Variants in DEFB110 observed in about 807,000 individuals in gnomAD.
The protein encoded by DEFB110 is defensin beta 110.
In DEFB110, 4 loss-of-function variants were observed where a neutral mutation model predicts 2.5. The ratio of observed to expected loss-of-function variants is 1.60; its 90% CI spans 0.79 to 3.66. DEFB110 has a LOEUF of 3.66. Among genes scored for constraint, DEFB110 ranks in the 30% most tolerant of loss-of-function variants. The pLI is 0.01. For synonymous variants in DEFB110, 29 were observed against 21.8 expected (o/e 1.33, Z -0.92); for missense variants, 94 against 75.4 (o/e 1.25, Z -0.91).
intron 1 of DEFB110, among the ~76,000 whole-genome samples, chr6:50,012,118 T>TTTATTTGC (rs1774237891): frequency 6.6e-6 from 1 of 152,066 alleles, no homozygotes. Flanking sequence ...ATTTCCTTTG[T>TTTATTTGC]CTTTATTTGC....
chr6:50,018,497 A>C (rs1323444515), downstream of DEFB110, among the ~76,000 whole-genome samples: 2 of 151,900 alleles, frequency 1.3e-5, no homozygotes, highest in Non-Finnish European at 2.9e-5. Flanking sequence ...TGTCTCTCTC[A>C]CAATAAAGAT....
At chr6:50,016,876 G>A (rs750538546), downstream of DEFB110, among the ~76,000 whole-genome samples, 25 of 151,770 alleles carry the variant, frequency 1.6e-4, no homozygotes, top group South Asian at 1.5e-3. Context: ...GATGGTTTTC[G>A]TGCTCTCTGT....
chr6:50,018,426 G>A (rs975237476), downstream of DEFB110, among the ~76,000 whole-genome samples: 1 of 151,824 alleles, frequency 6.6e-6, no homozygotes, highest in African/African-American at 2.4e-5. Flanking sequence ...AGAAATTGGA[G>A]CTGGTTGTGA....
intron 1 of DEFB110, among the ~76,000 whole-genome samples, chr6:50,021,405 G>T (rs755813500): frequency 6.6e-6 from 1 of 152,044 alleles, no homozygotes; most frequent in Non-Finnish European, 1.5e-5. Context: ...GTGATACTTC[G>T]ATATTTCAAT....
intron 1 of DEFB110, chr6:50,009,396 G>A (rs1018264940): frequency 1.8e-5 from 17 of 968,624 alleles, no homozygotes; most frequent in Middle Eastern, 3.3e-4. Context: ...ACAATGGAAC[G>A]TCAAGTTGTT....
chr6:50,009,144 G>T lies in DEFB110; in HGVS notation c.183C>A (p.Cys61Ter). 1.2e-6 allele frequency: 2 copies of T among 1,608,472 alleles called. No homozygotes were observed. The highest frequency in any genetic ancestry group is 8.5e-7 in the Non-Finnish European group (1 of 1,178,664). The change falls in exon 2 of 2, where the codon TGC becomes TGA. Residue 61 changes from cysteine to a stop codon, truncating the protein, a stop_gained. Transcript: ENST00000393660. LOFTEE classifies it high-confidence loss of function. ...AGTACTTCTTTTCCAGAGTTTATACGCAGCACTGACTTCTCCATTTAATGC... is the reference window on the plus strand; with the variant it reads ...AGTACTTCTTTTCCAGAGTTTATACTCAGCACTGACTTCTCCATTTAATGC...
intron 1 of DEFB110, chr6:50,009,358 T>A: frequency 2.2e-6 from 3 of 1,387,572 alleles, no homozygotes; most frequent in Non-Finnish European, 2.9e-6. Flanking sequence ...CTGTTCCAGT[T>A]ATGAGATCAT....
At chr6:50,020,474 C>T (rs553435139) in intron 1 of DEFB110, among the ~76,000 whole-genome samples, 1 of 151,824 alleles carries the variant, frequency 6.6e-6, no homozygotes, top group Middle Eastern at 3.4e-3. Context: ...AATTCTTGAC[C>T]AAAGGACAGA....
rs942924158 is a variant in DEFB110 at position 50,021,923 on chromosome 6, G to T, written c.13C>A (p.Leu5Ile). 14 of 1,561,088 alleles carry T rather than the reference G, an allele frequency of 9.0e-6. No homozygotes were observed. The Admixed American group carries it at 2.3e-4, about 26-fold the overall frequency. The change falls in exon 1 of 2, where the codon CTT (leucine) becomes ATT (isoleucine). Residue 5 changes from leucine (L) to isoleucine (I), a missense_variant. Transcript: ENST00000371148. MKIQ[L>I]FFFILHFWVT... ...CAAAAGTGCAGAATAAAGAAAAAAA[G>T]TTGAATCTTCATGGTAGAGAGTTTC...
chr6:50,021,790 T>A, intron 1 of DEFB110, 91 bp downstream of exon 1: 1 of 1,200,892 alleles, frequency 8.3e-7, no homozygotes, highest in South Asian at 1.5e-5. Flanking sequence ...GATGTTTTAA[T>A]CCCTATGTTA....
intron 1 of DEFB110, 61 bp downstream of exon 1, chr6:50,021,819 AG>A: frequency 3.5e-6 from 5 of 1,448,268 alleles, no homozygotes; most frequent in Non-Finnish European, 4.7e-6. Context: ...TTTTTTATCA[AG>A]AAACAACTTA....
chr6:50,017,067 A>G (rs1384532756), downstream of DEFB110, among the ~76,000 whole-genome samples: 2 of 151,756 alleles, frequency 1.3e-5, no homozygotes, highest in Non-Finnish European at 2.9e-5. Flanking sequence ...AGATGTCTTG[A>G]TGGAGAGAGG....
intron 1 of DEFB110, 32 bp downstream of exon 1, chr6:50,021,849 A>G: frequency 6.5e-7 from 1 of 1,533,616 alleles, no homozygotes; most frequent in Non-Finnish European, 8.7e-7. Context: ...CAAATTTGTT[A>G]GTATAAATCC....
In DEFB110 at chr6:50,020,109, C is replaced by T. The variant is rs115309631; in HGVS notation, c.56-984G>A. ...ATTTGTAGCTGGGGTCACAAGAAGA[C>T]ATGTCCAGGAGAGCAAAACTGCAAC... On this transcript the variant is annotated intron_variant, in intron 1 of 1. Coordinates refer to ENST00000371148, the MANE Select transcript of DEFB110 (RefSeq NM_001037497.2). Among the ~76,000 whole-genome samples the T allele has an allele frequency of 9.6e-3, 1,456 of 152,134 alleles. 26 individuals are homozygous for T. The highest frequency in any genetic ancestry group is 0.033 in the African/African-American group (1,380 of 41,538).
At chr6:50,015,835 G>A (rs949946895), downstream of DEFB110, among the ~76,000 whole-genome samples, 2 of 151,656 alleles carry the variant, frequency 1.3e-5, no homozygotes, top group Non-Finnish European at 3.0e-5. Flanking sequence ...AAATGAGGGA[G>A]AATATATTGA....
At chr6:50,009,373 G>C in intron 1 of DEFB110, 1 of 1,244,572 alleles carries the variant, frequency 8.0e-7, no homozygotes, top group Non-Finnish European at 1.1e-6. Context: ...GATCATGTGT[G>C]TGCAAGTTGG....
downstream of DEFB110, among the ~76,000 whole-genome samples, chr6:50,015,699 C>T (rs1159846450): frequency 6.6e-6 from 1 of 151,628 alleles, no homozygotes; most frequent in African/African-American, 2.4e-5. Flanking sequence ...TATTTGTATC[C>T]ACTCACTATA....
chr6:50,012,202 G>C (rs1774239776), intron 1 of DEFB110, among the ~76,000 whole-genome samples: 1 of 151,884 alleles, frequency 6.6e-6, no homozygotes, highest in South Asian at 2.1e-4. Context: ...TTTATGCCCT[G>C]CTATCACATT....
intron 1 of DEFB110, among the ~76,000 whole-genome samples, chr6:50,012,115 T>G (rs775708634): frequency 6.6e-6 from 1 of 152,056 alleles, no homozygotes; most frequent in Non-Finnish European, 1.5e-5. Flanking sequence ...CTCATTTCCT[T>G]TGTCTTTATT....
Sources: allele counts gnomAD v4.1 joint callset (sites outside exome capture counted in the v4.1 genomes callset), GRCh38; gene constraint gnomAD v4.1.1; transcripts MANE v1.5; gene names NCBI Gene and HGNC (gene_info 2026-07-23, HGNC 2026-07-21).